CACNG3: variants seen among roughly 807,000 people sequenced by gnomAD.
The protein encoded by CACNG3 is voltage-dependent calcium channel gamma-3 subunit.
Under a neutral mutation model 28.5 loss-of-function variants are expected in CACNG3, and 3 were observed. That is an observed-to-expected ratio of 0.11 (90% CI 0.05 to 0.27). The LOEUF (loss-of-function observed/expected upper bound fraction) is 0.27, where lower values mean the gene tolerates loss of function less well. CACNG3 is among the 10% of genes least tolerant of loss of function. CACNG3 has a pLI of 1.00. For missense variants in CACNG3, 236 were observed against 414.4 expected (o/e 0.57, Z 3.74); for synonymous variants, 174 against 162.2 (o/e 1.07, Z -0.55).
chr16:24,279,818 T>C (rs1898800185), intron 1 of CACNG3, among the ~76,000 whole-genome samples: 1 of 152,178 alleles, frequency 6.6e-6, no homozygotes, highest in African/African-American at 2.4e-5. Flanking sequence ...GGATGGACAG[T>C]GATCCCCTTT....
intron 1 of CACNG3, among the ~76,000 whole-genome samples, chr16:24,319,938 T>C (rs941202380): frequency 9.9e-5 from 15 of 152,134 alleles, no homozygotes; most frequent in Non-Finnish European, 1.6e-4. Flanking sequence ...GCCCCGCTAA[T>C]TTTTGCATTT....
chr16:24,266,786 G>T (rs1199917626), intron 1 of CACNG3, among the ~76,000 whole-genome samples: 1 of 152,090 alleles, frequency 6.6e-6, no homozygotes, highest in Non-Finnish European at 1.5e-5. Flanking sequence ...CTGCCTCCTG[G>T]ATTTGCATGA....
At chr16:24,305,790 T>A (rs982100535) in intron 1 of CACNG3, among the ~76,000 whole-genome samples, 1 of 152,172 alleles carries the variant, frequency 6.6e-6, no homozygotes, top group Non-Finnish European at 1.5e-5. Context: ...TCTGCACATG[T>A]ATCCCAGAAC....
At chr16:24,305,314 A>T (rs1899170396) in intron 1 of CACNG3, among the ~76,000 whole-genome samples, 1 of 136,662 alleles carries the variant, frequency 7.3e-6, no homozygotes, top group African/African-American at 2.8e-5. Flanking sequence ...ACTTATATAC[A>T]TAAATATGTG....
At chr16:24,257,386 A>C (rs1482760510) in intron 1 of CACNG3, among the ~76,000 whole-genome samples, 2 of 103,708 alleles carry the variant, frequency 1.9e-5, no homozygotes, top group Non-Finnish European at 4.0e-5. Context: ...AGAGAGAGAG[A>C]GAGAGAGAGA....
chr16:24,355,002 T>A, intron 3 of CACNG3, 29 bp downstream of exon 3: 1 of 1,602,688 alleles, frequency 6.2e-7, no homozygotes, highest in Non-Finnish European at 8.5e-7. Context: ...CCCTGAGATC[T>A]TCACAGATAC....
chr16:24,303,425 C>T (rs138494216), intron 1 of CACNG3, among the ~76,000 whole-genome samples: 171 of 151,276 alleles, frequency 1.1e-3, no homozygotes, highest in African/African-American at 4.0e-3. Flanking sequence ...CCCGGACTCA[C>T]GTGATCCTCC....
At chr16:24,326,028 C>G (rs1053755587) in intron 1 of CACNG3, among the ~76,000 whole-genome samples, 2 of 152,206 alleles carry the variant, frequency 1.3e-5, no homozygotes, top group African/African-American at 4.8e-5. Flanking sequence ...CCTCTCAGCT[C>G]TATTCTGAAA....
chr16:24,257,411 GAGAGAGAGAGAGAGAGATCC>G (rs1898478773), intron 1 of CACNG3, among the ~76,000 whole-genome samples: 1 of 141,444 alleles, frequency 7.1e-6, no homozygotes, highest in Non-Finnish European at 1.6e-5. Context: ...GAGAGAGAGA[GAGAGAGAGAGAGAGAGATCC>G]TGACCCGGTC....
At chr16:24,357,467 C>T (rs1211675566) in intron 3 of CACNG3, among the ~76,000 whole-genome samples, 1 of 152,100 alleles carries the variant, frequency 6.6e-6, no homozygotes. Flanking sequence ...AAACAGCAAC[C>T]ACACAGTTCC....
At chr16:24,336,621 AC>A (rs1899714600) in intron 1 of CACNG3, among the ~76,000 whole-genome samples, 1 of 119,482 alleles carries the variant, frequency 8.4e-6, no homozygotes, top group African/African-American at 2.6e-5. Flanking sequence ...AGGCACTGTG[AC>A]TCATACCTAT....
Position 24,291,459 on chromosome 16 carries a change from C to T in CACNG3, c.211+34494C>T, listed in dbSNP as rs141862104. On this transcript the variant is annotated intron_variant, in intron 1 of 3. Coordinates refer to ENST00000005284, the MANE Select transcript of CACNG3 (RefSeq NM_006539.4). ...GCCAGTTGAGTATGAACCACATAGGCTTAAAAAAATCAAGTGAGGGGTGGA... is the reference window on the plus strand; with the variant it reads ...GCCAGTTGAGTATGAACCACATAGGTTTAAAAAAATCAAGTGAGGGGTGGA... 9.1e-4 allele frequency among the ~76,000 whole-genome samples: 139 copies of T among 152,118 alleles called. 2 individuals carry two copies. The highest frequency in any genetic ancestry group is 3.3e-3 in the African/African-American group (138 of 41,494).
intron 1 of CACNG3, among the ~76,000 whole-genome samples, chr16:24,261,805 A>C (rs1290807514): frequency 6.6e-6 from 1 of 152,168 alleles, no homozygotes. Flanking sequence ...TGGAGAAAAA[A>C]ATTAGCCAGT....
chr16:24,329,267 A>G lies in CACNG3; in HGVS notation c.212-17467A>G, dbSNP rs1899601862. On this transcript the variant is annotated intron_variant, in intron 1 of 3. Transcript: ENST00000005284. ...GCAACCACCCATGCTTAATGAATAG[A>G]AGAGAGTAAAAGATGCCCCGGATAA... Among the ~76,000 whole-genome samples, 4 of 152,162 alleles carry G rather than the reference A, an allele frequency of 2.6e-5. No individual in the cohort carries two copies. The South Asian group carries it at 8.3e-4, about 32-fold the overall frequency.
At chr16:24,306,446 A>T (rs77032748) in intron 1 of CACNG3, among the ~76,000 whole-genome samples, 1 of 152,218 alleles carries the variant, frequency 6.6e-6, no homozygotes, top group African/African-American at 2.4e-5. Context: ...ACCCCAAAAG[A>T]CAGGGGACGC....
intron 3 of CACNG3, among the ~76,000 whole-genome samples, chr16:24,355,282 A>G (rs1233251808): frequency 6.6e-6 from 1 of 152,200 alleles, no homozygotes; most frequent in Non-Finnish European, 1.5e-5. Context: ...ATAAGAGTGT[A>G]CATACATGCT....
At chr16:24,347,348 G>C (rs74822621) in intron 2 of CACNG3, among the ~76,000 whole-genome samples, 1 of 151,870 alleles carries the variant, frequency 6.6e-6, no homozygotes, top group African/African-American at 2.4e-5. Flanking sequence ...AAGAAAAGGA[G>C]AATGAGAATG....
At chr16:24,280,036 A>G (rs1427966135) in intron 1 of CACNG3, among the ~76,000 whole-genome samples, 1 of 152,208 alleles carries the variant, frequency 6.6e-6, no homozygotes, top group Non-Finnish European at 1.5e-5. Flanking sequence ...TGTACATTCC[A>G]ACCACTAATT....
At chr16:24,277,218 C>T (rs889897192) in intron 1 of CACNG3, among the ~76,000 whole-genome samples, 21 of 152,186 alleles carry the variant, frequency 1.4e-4, no homozygotes, top group Non-Finnish European at 2.9e-4. Context: ...TGACTCCAGC[C>T]TAGCAGGACC....
Sources: allele counts gnomAD v4.1 joint callset (sites outside exome capture counted in the v4.1 genomes callset), GRCh38; gene constraint gnomAD v4.1.1; transcripts MANE v1.5; gene names NCBI Gene and HGNC (gene_info 2026-07-23, HGNC 2026-07-21).